EDARADD: variants seen among roughly 807,000 people sequenced by gnomAD.
The protein encoded by EDARADD is EDAR associated via death domain, also known as ectodysplasin-A receptor-associated adapter protein.
EDARADD carries 20 observed loss-of-function variants against 25.6 expected under a neutral mutation model. The observed-to-expected ratio is 0.78, with a 90% CI of 0.55 to 1.14. The LOEUF is 1.14. EDARADD is among the 50% of genes most tolerant of loss of function. The pLI, the probability that EDARADD is intolerant of heterozygous loss-of-function variation, is 0.00. For synonymous variants in EDARADD, 86 were observed against 94.4 expected, an observed-to-expected ratio of 0.91 and a Z score of 0.52; for missense variants, 225 against 270.1, an observed-to-expected ratio of 0.83 and a Z score of 1.17.
At chr1:236,475,437 C>T (rs1039380165) in intron 5 of EDARADD, among the ~76,000 whole-genome samples, 6 of 152,100 alleles carry the variant, frequency 3.9e-5, no homozygotes, top group African/African-American at 1.4e-4. Context: ...ATGTAGATTC[C>T]AGTTAAGGAA....
rs1192463368 is a variant in EDARADD, at chr1:236,406,254, C to T, written c.62-2962C>T. On this transcript the variant is annotated intron_variant, in intron 1 of 5. Coordinates refer to ENST00000334232, the MANE Select transcript of EDARADD (RefSeq NM_145861.4). ...ATTTTGTGGTGGCTTCTACCACCCC[C>T]TCCCCAGCTAGGAACCAGCGTGTGA... is the stretch of plus-strand genomic sequence containing the variant. Among the ~76,000 whole-genome samples the T allele has an allele frequency of 2.0e-5, 3 of 152,090 alleles. No individual in the cohort carries two copies. In the East Asian group the frequency reaches 5.8e-4, roughly 29 times the overall value.
rs535740043 is a variant in EDARADD at position 236,409,728 on chromosome 1, AT to A, written c.120+469del. 4.4e-3 allele frequency among the ~76,000 whole-genome samples: 623 copies of A among 140,994 alleles called. 1 individual carries two copies. The highest frequency in any genetic ancestry group is 9.6e-3 in the South Asian group (42 of 4,392). 92.5% of individuals were successfully genotyped at this position (140,994 alleles called of 152,430 possible). A position where few individuals can be genotyped will look rare whatever the true frequency, so the allele number is the denominator to read the frequency against. ...AGGCATGTGCCACCATGCCTGGCTA[AT>A]TTTTTTTTTTTTTTGGTAGAGTGGG... On this transcript the variant is annotated intron_variant, in intron 2 of 5. Transcript: ENST00000334232.
intron 3 of EDARADD, among the ~76,000 whole-genome samples, chr1:236,423,707 A>G (rs1657837144): frequency 1.3e-5 from 2 of 152,198 alleles, no homozygotes; most frequent in African/African-American, 4.8e-5. Context: ...GCAAATCTGT[A>G]ATAGCAAAAT....
chr1:236,444,845 C>A (rs1440801107), intron 4 of EDARADD, among the ~76,000 whole-genome samples: 1 of 152,224 alleles, frequency 6.6e-6, no homozygotes, highest in African/African-American at 2.4e-5. Context: ...CAGTCTGAAA[C>A]TGAACCCACA....
At chr1:236,463,834 G>T (rs902584188) in intron 4 of EDARADD, among the ~76,000 whole-genome samples, 8 of 152,018 alleles carry the variant, frequency 5.3e-5, no homozygotes, top group African/African-American at 1.7e-4. Context: ...CTCCCTCTTT[G>T]TCCCATCTCC....
upstream of EDARADD, among the ~76,000 whole-genome samples, chr1:236,389,340 G>A (rs1667393938): frequency 6.6e-6 from 1 of 152,162 alleles, no homozygotes; most frequent in Admixed American, 6.5e-5. Context: ...GGCATTCTAA[G>A]TGTGTTTAGC....
chr1:236,367,699 G>A (rs907198538), intron 3 of EDARADD, among the ~76,000 whole-genome samples: 29 of 152,162 alleles, frequency 1.9e-4, no homozygotes, highest in Non-Finnish European at 3.4e-4. Flanking sequence ...GAGACATTTG[G>A]GCTAAGATGT....
intron 5 of EDARADD, among the ~76,000 whole-genome samples, chr1:236,480,125 A>ATC (rs1487152361): frequency 9.9e-5 from 14 of 141,354 alleles, no homozygotes; most frequent in African/African-American, 3.8e-4. Context: ...ATATATATAT[A>ATC]TATATATATA....
rs1356537298 is a variant in EDARADD, at chr1:236,458,352, C to T, written c.220-9879C>T. On this transcript the variant is annotated intron_variant, in intron 4 of 5. Coordinates refer to ENST00000334232, the MANE Select transcript of EDARADD (RefSeq NM_145861.4). ...ATTAAAAAGAAGAGAGAGTCCTGGC[C>T]TTAAAAAACTTATCTGATGTATTGT... Among the ~76,000 whole-genome samples the T allele has an allele frequency of 6.9e-5, 9 of 130,322 alleles. No individual in the cohort carries two copies. The East Asian group carries it at 1.8e-3, about 26-fold the overall frequency. The allele number at this position is 130,322 out of a possible 152,430, so 85.5% of individuals were successfully genotyped here.
intron 4 of EDARADD, among the ~76,000 whole-genome samples, chr1:236,465,588 C>T (rs1007431002): frequency 6.6e-6 from 1 of 152,092 alleles, no homozygotes; most frequent in Non-Finnish European, 1.5e-5. Flanking sequence ...TTCATCTGTA[C>T]CCCTCTCTTG....
intron 3 of EDARADD, among the ~76,000 whole-genome samples, chr1:236,379,241 A>C (rs1279800385): frequency 2.0e-5 from 3 of 151,824 alleles, no homozygotes; most frequent in African/African-American, 7.3e-5. Context: ...GTGCTGGCGC[A>C]TGTCTGTAAT....
At chr1:236,442,221 G>A (rs1253934401) in intron 4 of EDARADD, among the ~76,000 whole-genome samples, 2 of 152,054 alleles carry the variant, frequency 1.3e-5, no homozygotes, top group Non-Finnish European at 2.9e-5. Flanking sequence ...CACCTCCGGG[G>A]TTCAAGTGAT....
Position 236,484,357 on chromosome 1 carries a change from CT to C in EDARADD, c.*1710del. 1 of 1,525,360 alleles carries C rather than the reference CT, an allele frequency of 6.6e-7. No individual in the cohort carries two copies. Among genetic ancestry groups the C allele is most frequent in the Non-Finnish European group, 9.1e-7 (1 of 1,099,792 alleles). 94.5% of individuals were successfully genotyped at this position (1,525,360 alleles called of 1,614,324 possible). A position where few individuals can be genotyped will look rare whatever the true frequency, so the allele number is the denominator to read the frequency against. On this transcript the variant is annotated 3_prime_UTR_variant, in exon 6 of 6. Transcript: ENST00000334232. The surrounding 1 kb of genome is among the most constrained non-coding windows in gnomAD (Gnocchi z 4.1). The stretch of plus-strand genomic sequence containing the variant: ...CCTGGGCAGCTCAAGACTGGTGCCC[CT>C]TGCTGATCTGAGCGCTTGGCCAAGT...
chr1:236,361,162 T>TA (rs1305419744), intron 3 of EDARADD, among the ~76,000 whole-genome samples: 2 of 152,138 alleles, frequency 1.3e-5, no homozygotes, highest in Admixed American at 6.6e-5. Flanking sequence ...AACATTACCA[T>TA]ATTGAAGACA....
intron 4 of EDARADD, among the ~76,000 whole-genome samples, chr1:236,455,135 G>A (rs899548031): frequency 6.6e-5 from 10 of 152,062 alleles, no homozygotes; most frequent in East Asian, 1.9e-4. Flanking sequence ...GCTTAAACCC[G>A]TGAGGCGGAG....
Position 236,421,241 on chromosome 1 carries a change from AAAC to A in EDARADD, c.161-6145_161-6143del, listed in dbSNP as rs1270622374. Among the ~76,000 whole-genome samples the A allele has an allele frequency of 2.0e-5, 3 of 147,082 alleles. 1 individual carries two copies. The Admixed American group carries it at 2.1e-4, about 10-fold the overall frequency. ...TGGAGGTTGCACTTAGGAGCAGAGC[AAAC>A]AACAAGGGGCTGTCAGACAGGCTTT... On this transcript the variant is annotated intron_variant, in intron 3 of 5. Coordinates refer to ENST00000334232, the MANE Select transcript of EDARADD (RefSeq NM_145861.4).
At position 236,349,721 on chromosome 1, in the gene EDARADD, G is replaced by A. The variant is rs1194273936; in HGVS notation, c.-142+755G>A. 3.3e-5 allele frequency among the ~76,000 whole-genome samples: 5 copies of A among 151,638 alleles called. No individual in the cohort carries two copies. In the East Asian group the frequency reaches 9.7e-4, roughly 29 times the overall value. On this transcript the variant is annotated intron_variant, in intron 2 of 7. Transcript: ENST00000439430. Reference sequence around the variant, plus strand: ...TAGCAGACTTCAGAGACAGCAGGTTGTAAAATGTTTCTTATCGGACCTCAA... The same window carrying A: ...TAGCAGACTTCAGAGACAGCAGGTTATAAAATGTTTCTTATCGGACCTCAA...
At chr1:236,399,578 G>T (rs10925116) in intron 1 of EDARADD, among the ~76,000 whole-genome samples, 73,403 of 152,120 alleles carry the variant, frequency 0.48, 19,898 homozygotes, top group Non-Finnish European at 0.62. Flanking sequence ...AACAATGATG[G>T]TGGTTATAGT....
chr1:236,372,010 G>A (rs1667178149), intron 3 of EDARADD, among the ~76,000 whole-genome samples: 1 of 151,978 alleles, frequency 6.6e-6, no homozygotes, highest in Admixed American at 6.6e-5. Context: ...AGGCTTTAGT[G>A]CAGTGGTGCG....
Sources: allele counts gnomAD v4.1 joint callset (sites outside exome capture counted in the v4.1 genomes callset), GRCh38; gene constraint gnomAD v4.1.1; non-coding constraint Gnocchi (gnomAD v3.1); transcripts MANE v1.5; gene names NCBI Gene and HGNC (gene_info 2026-07-23, HGNC 2026-07-21).